DEFB121: variants seen among roughly 807,000 people sequenced by gnomAD.
DEFB121 encodes beta-defensin 121.
A neutral mutation model predicts 2.5 loss-of-function variants in DEFB121; 5 were observed. The ratio of observed to expected loss-of-function variants is 1.96; its 90% confidence interval spans 1.03 to 4.13. DEFB121 has a LOEUF of 4.13. Among genes scored for constraint, DEFB121 ranks in the 30% most tolerant of loss-of-function variants. DEFB121 has a pLI of 0.00. For missense variants in DEFB121, 87 were observed against 85.0 expected, an observed-to-expected ratio of 1.02 and a Z score of -0.09; for synonymous variants, 39 against 32.6, an observed-to-expected ratio of 1.20 and a Z score of -0.67.
upstream of DEFB121, chr20:31,406,260 G>A: frequency 6.6e-7 from 1 of 1,514,456 alleles, no homozygotes; most frequent in Non-Finnish European, 8.8e-7. Context: ...GAGGAGCATG[G>A]CAGAGCCAAG....
At chr20:31,416,135 A>G (rs1978799422), upstream of DEFB121, among the ~76,000 whole-genome samples, 1 of 152,012 alleles carries the variant, frequency 6.6e-6, no homozygotes, top group Non-Finnish European at 1.5e-5. Flanking sequence ...ATCTCGGCTC[A>G]CTGCAATCTC....
intron 1 of DEFB121, among the ~76,000 whole-genome samples, 159 bp from the exon 2 acceptor site, chr20:31,405,244 A>G (rs1359781421): frequency 1.3e-5 from 2 of 152,146 alleles, no homozygotes; most frequent in African/African-American, 2.4e-5. Flanking sequence ...AAGGGAGATT[A>G]TAGACCACTA....
chr20:31,412,498 T>C (rs1219153363), intron 1 of DEFB121: 2 of 592,756 alleles, frequency 3.4e-6, no homozygotes, highest in African/African-American at 1.9e-5. Flanking sequence ...ATGATACTAC[T>C]GACAGCAGAG....
At chr20:31,406,771 A>G (rs1219647177), upstream of DEFB121, among the ~76,000 whole-genome samples, 2 of 152,192 alleles carry the variant, frequency 1.3e-5, no homozygotes, top group East Asian at 3.9e-4. Context: ...GCAAAAGAAA[A>G]GCCATTTATT....
chr20:31,406,270 G>A, upstream of DEFB121: 1 of 1,488,790 alleles, frequency 6.7e-7, no homozygotes. Flanking sequence ...GCAGAGCCAA[G>A]ATCAGTGAAC....
chr20:31,405,048 T>C lies in DEFB121; in HGVS notation c.96A>G (p.Thr32=), dbSNP rs112548107. Residue 32 remains threonine (T), a synonymous_variant, in exon 2 of 2, where the codon ACA becomes ACG. Transcript: ENST00000376314. ...KCWGKSGRCR[T]TCKESEVYYI... is the part of the protein sequence containing the mutation. ...AGTATACTTCACTTTCTTTACATGT[T>C]GTTCTGCACCTGCCTGACTTGCCCC... 169 of 1,608,454 alleles carry C rather than the reference T, an allele frequency of 1.1e-4. No individual in the cohort carries two copies. The African/African-American group carries it at 2.0e-3, about 19-fold the overall frequency.
At chr20:31,405,704 C>T (rs555289526) in intron 1 of DEFB121, among the ~76,000 whole-genome samples, 1 of 152,226 alleles carries the variant, frequency 6.6e-6, no homozygotes, top group East Asian at 1.9e-4. Flanking sequence ...AATCAGAATC[C>T]TCAAACAATC....
chr20:31,407,485 T>G (rs1305587563), upstream of DEFB121, among the ~76,000 whole-genome samples: 1 of 152,200 alleles, frequency 6.6e-6, no homozygotes, highest in Non-Finnish European at 1.5e-5. Flanking sequence ...CTTCTGTGTC[T>G]CTGCCATCAC....
At chr20:31,411,552 T>G (rs1978664516) in intron 1 of DEFB121, among the ~76,000 whole-genome samples, 1 of 148,168 alleles carries the variant, frequency 6.7e-6, no homozygotes. Context: ...TAAAAAAGAA[T>G]GTATGAACGC....
intron 1 of DEFB121, 42 bp downstream of exon 1, chr20:31,406,053 C>T (rs1416915982): frequency 6.2e-7 from 1 of 1,610,222 alleles, no homozygotes; most frequent in African/African-American, 1.3e-5. Flanking sequence ...GAACATGCAT[C>T]AGGTTTCCTG....
upstream of DEFB121, among the ~76,000 whole-genome samples, chr20:31,407,541 G>A (rs1015444563): frequency 3.9e-5 from 6 of 152,158 alleles, no homozygotes; most frequent in African/African-American, 9.7e-5. Flanking sequence ...TGAGAGATAC[G>A]TGGGGCACAG....
rs777953512 is a variant in DEFB121 at position 31,404,961 on chromosome 20, T to G, written c.183A>C (p.Pro61=). 2.7e-5 allele frequency: 43 copies of G among 1,613,934 alleles called. No individual in the cohort carries two copies. Among genetic ancestry groups the G allele is most frequent in the Middle Eastern group, 1.6e-4 (1 of 6,084 alleles). The change falls in exon 2 of 2, where the codon CCA becomes CCC. Residue 61 remains proline, a synonymous_variant. Coordinates refer to ENST00000376314, the MANE Select transcript of DEFB121 (RefSeq NM_001011878.3). ...GGCTTGTATTTGTGTCTGTTAATTTTGGTTTTACAGGTACATACTTGGGAT... is the reference window on the plus strand; with the variant it reads ...GGCTTGTATTTGTGTCTGTTAATTTGGGTTTTACAGGTACATACTTGGGAT... The part of the protein sequence containing the change: ...CVDPKYVPVK[P]KLTDTNTSLE...
upstream of DEFB121, among the ~76,000 whole-genome samples, chr20:31,413,834 A>G (rs142757064): frequency 6.6e-6 from 1 of 152,316 alleles, no homozygotes. Flanking sequence ...GGCTGTGGAG[A>G]AAATGGAACC....
upstream of DEFB121, among the ~76,000 whole-genome samples, chr20:31,407,378 G>A (rs1978516249): frequency 6.6e-6 from 1 of 152,184 alleles, no homozygotes; most frequent in Non-Finnish European, 1.5e-5. Flanking sequence ...TTTGGCCTTG[G>A]CATGTGATTT....
upstream of DEFB121, among the ~76,000 whole-genome samples, chr20:31,406,812 A>G (rs1174903720): frequency 6.6e-6 from 1 of 151,992 alleles, no homozygotes; most frequent in Non-Finnish European, 1.5e-5. Flanking sequence ...ATTATTACTT[A>G]TTTTTTTGAG....
Position 31,404,925 on chromosome 20 carries a change from A to T in DEFB121, c.219T>A (p.Thr73=), listed in dbSNP as rs1172093603. ...TGGAAGAGAGGTGTCAGACTGCAGA[A>T]GTTGATTCCAGGCTTGTATTTGTGT... The part of the protein sequence containing the change: ...LTDTNTSLES[T]SAV Residue 73 remains threonine (T), a synonymous_variant, in exon 2 of 2, where the codon ACT becomes ACA. Transcript: ENST00000376314. The T allele has an allele frequency of 1.2e-6, 2 of 1,614,006 alleles. No individual in the cohort carries two copies. The highest frequency in any genetic ancestry group is 8.5e-7 in the Non-Finnish European group (1 of 1,179,994).
chr20:31,414,053 C>G (rs1978738147), upstream of DEFB121, among the ~76,000 whole-genome samples: 1 of 152,150 alleles, frequency 6.6e-6, no homozygotes, highest in African/African-American at 2.4e-5. Context: ...ACTAAAAATA[C>G]AAAATTAACT....
chr20:31,418,467 G>A, the DEFB121 span, among the ~76,000 whole-genome samples: 1 of 152,040 alleles, frequency 6.6e-6, no homozygotes, highest in African/African-American at 2.4e-5. Flanking sequence ...AAAACTGGCT[G>A]AAACAGGGAA....
chr20:31,407,824 C>A (rs1410881213), upstream of DEFB121, among the ~76,000 whole-genome samples: 1 of 152,208 alleles, frequency 6.6e-6, no homozygotes, highest in Non-Finnish European at 1.5e-5. Context: ...GTTGCCCAGG[C>A]TGGAGTGCCG....
Sources: gnomAD v4.1 joint callset for allele counts (sites outside exome capture counted in the v4.1 genomes callset) on GRCh38, gnomAD v4.1.1 for gene constraint, MANE v1.5 for transcripts, NCBI Gene and HGNC (gene_info 2026-07-23, HGNC 2026-07-21) for gene names.